Variants in ATXN7L1 observed in about 807,000 individuals in gnomAD.
ATXN7L1 encodes the protein ataxin 7 like 1.
A neutral mutation model predicts 70.8 loss-of-function variants in ATXN7L1; 15 were observed. The ratio of observed to expected loss-of-function variants is 0.21; its 90% confidence interval spans 0.14 to 0.33. ATXN7L1 has a LOEUF of 0.33. Among genes scored for constraint, ATXN7L1 ranks in the 10% least tolerant of loss-of-function variants. The pLI, the probability that ATXN7L1 is intolerant of heterozygous loss-of-function variation, is 1.00. For synonymous variants in ATXN7L1, 440 were observed against 445.1 expected, an observed-to-expected ratio of 0.99 and a Z score of 0.14; for missense variants, 975 against 1,097.1, an observed-to-expected ratio of 0.89 and a Z score of 1.57.
chr7:105,612,567 C>A lies in ATXN7L1; in HGVS notation c.2472+1295G>T, dbSNP rs570191966. Among the ~76,000 whole-genome samples, 5 of 152,268 alleles carry A rather than the reference C, an allele frequency of 3.3e-5. No homozygotes were observed. In the East Asian group the frequency reaches 9.7e-4, roughly 30 times the overall value. ...CCATCCTGGGACCTGGCGGTGGCAC[C>A]CACCAGCAGTTTAGCCTCCAGGGAG... is the stretch of plus-strand genomic sequence containing the variant. On this transcript the variant is annotated intron_variant, in intron 10 of 11. Transcript: ENST00000419735.
chr7:105,844,763 G>T (rs1813724764), intron 2 of ATXN7L1, among the ~76,000 whole-genome samples: 1 of 152,126 alleles, frequency 6.6e-6, no homozygotes, highest in Non-Finnish European at 1.5e-5. Flanking sequence ...AATGCATTCA[G>T]ATTGGAAAGG....
intron 2 of ATXN7L1, among the ~76,000 whole-genome samples, chr7:105,791,835 G>A (rs1805294694): frequency 1.3e-5 from 2 of 152,168 alleles, no homozygotes; most frequent in Non-Finnish European, 2.9e-5. Flanking sequence ...GTCAAGCTAT[G>A]AAGGAATATA....
intron 5 of ATXN7L1, among the ~76,000 whole-genome samples, chr7:105,639,828 G>A (rs948371138): frequency 4.6e-5 from 7 of 152,202 alleles, no homozygotes; most frequent in Non-Finnish European, 7.3e-5. Context: ...CGCAGCACAA[G>A]GCTCGGGGAA....
intron 2 of ATXN7L1, among the ~76,000 whole-genome samples, chr7:105,832,635 T>A (rs371860793): frequency 4.3e-4 from 66 of 152,300 alleles, no homozygotes; most frequent in African/African-American, 1.6e-3. Flanking sequence ...CCTCCAGTGC[T>A]CACCCAGCCA....
intron 2 of ATXN7L1, among the ~76,000 whole-genome samples, chr7:105,859,593 G>A (rs1816255739): frequency 6.6e-6 from 1 of 152,070 alleles, no homozygotes; most frequent in South Asian, 2.1e-4. Flanking sequence ...ATTCAGTACA[G>A]CAACATGCTG....
intron 2 of ATXN7L1, among the ~76,000 whole-genome samples, chr7:105,855,112 G>A (rs1371629059): frequency 6.6e-6 from 1 of 152,030 alleles, no homozygotes; most frequent in Non-Finnish European, 1.5e-5. Context: ...GCGCCACCAC[G>A]CCCAGCTAAT....
At chr7:105,637,017 C>T (rs962664926) in intron 7 of ATXN7L1, among the ~76,000 whole-genome samples, 3 of 152,196 alleles carry the variant, frequency 2.0e-5, no homozygotes, top group Admixed American at 2.0e-4. Context: ...CTAACCAACA[C>T]CCCACATGAC....
At chr7:105,649,400 T>C (rs1799537446) in intron 4 of ATXN7L1, 4 of 987,634 alleles carry the variant, frequency 4.1e-6, no homozygotes. Context: ...GTGGGGGCGA[T>C]ATCTACCTCT....
At chr7:105,759,866 C>T (rs911205905) in intron 3 of ATXN7L1, among the ~76,000 whole-genome samples, 9 of 152,048 alleles carry the variant, frequency 5.9e-5, no homozygotes, top group African/African-American at 1.9e-4. Context: ...ATTTCCGCCC[C>T]CCCCAAAGAT....
chr7:105,697,285 T>A (rs1791852251), intron 3 of ATXN7L1, among the ~76,000 whole-genome samples: 1 of 152,174 alleles, frequency 6.6e-6, no homozygotes, highest in Non-Finnish European at 1.5e-5. Context: ...ACCGCTGCAA[T>A]CTCGACCATA....
At chr7:105,803,399 G>C (rs1486738206) in intron 2 of ATXN7L1, among the ~76,000 whole-genome samples, 2 of 152,246 alleles carry the variant, frequency 1.3e-5, no homozygotes, top group African/African-American at 4.8e-5. Context: ...CCACCCTGAT[G>C]TCCAGGATCC....
intron 9 of ATXN7L1, among the ~76,000 whole-genome samples, chr7:105,618,918 A>G (rs1794329580): frequency 6.6e-6 from 1 of 152,158 alleles, no homozygotes; most frequent in African/African-American, 2.4e-5. Flanking sequence ...GTGGATAGTA[A>G]AGGAACTTAA....
intron 2 of ATXN7L1, among the ~76,000 whole-genome samples, chr7:105,844,413 A>G (rs891692917): frequency 1.3e-5 from 2 of 152,240 alleles, no homozygotes; most frequent in Admixed American, 6.5e-5. Context: ...CAGCAATGCA[A>G]GAGTGGTTCA....
chr7:105,769,110 G>A (rs370584856), intron 3 of ATXN7L1, among the ~76,000 whole-genome samples: 20 of 152,194 alleles, frequency 1.3e-4, no homozygotes, highest in African/African-American at 2.2e-4. Flanking sequence ...ACCAGTTTCC[G>A]CCAGTGTACC....
chr7:105,734,330 A>AG lies in ATXN7L1; in HGVS notation c.355+54273dup, dbSNP rs1797141419. Among the ~76,000 whole-genome samples the AG allele has an allele frequency of 2.0e-5, 3 of 152,226 alleles. No individual in the cohort carries two copies. The South Asian group carries it at 6.2e-4, about 32-fold the overall frequency. Reference sequence around the variant, plus strand: ...AACCAAAAACCCAAACAAACAAAACAGACAAAAAAACCCAACTACAGTCCT... The same window carrying AG: ...AACCAAAAACCCAAACAAACAAAACAGGACAAAAAAACCCAACTACAGTCCT... On this transcript the variant is annotated intron_variant, in intron 3 of 11. Coordinates refer to ENST00000419735, the MANE Select transcript of ATXN7L1 (RefSeq NM_020725.2).
Position 105,619,510 on chromosome 7 carries a change from A to G in ATXN7L1, c.1517+690T>C, listed in dbSNP as rs1248301629. On this transcript the variant is annotated intron_variant, in intron 9 of 11. Coordinates refer to ENST00000419735, the MANE Select transcript of ATXN7L1 (RefSeq NM_020725.2). ...CAAACAGAAGCATATATATATATAT[A>G]TATATATATATATATATATATTTTT... Among the ~76,000 whole-genome samples, 7 of 13,566 alleles carry G rather than the reference A, an allele frequency of 5.2e-4. 1 individual carries two copies. The highest frequency in any genetic ancestry group is 2.3e-3 in the Admixed American group (3 of 1,316). 8.9% of individuals were successfully genotyped at this position (13,566 alleles called of 152,430 possible).
intron 2 of ATXN7L1, among the ~76,000 whole-genome samples, chr7:105,865,696 C>A (rs1005232999): frequency 6.6e-6 from 1 of 152,256 alleles, no homozygotes; most frequent in African/African-American, 2.4e-5. Context: ...CCACTGCACC[C>A]GGGCCATTTT....
chr7:105,732,231 G>A (rs1218538768), intron 3 of ATXN7L1, among the ~76,000 whole-genome samples: 1 of 152,074 alleles, frequency 6.6e-6, no homozygotes, highest in Non-Finnish European at 1.5e-5. Flanking sequence ...CCAACATCGT[G>A]AAACCCTGTC....
At chr7:105,641,208 CTCTCTCTTTTTTTTTTTTT>C (rs1429922632) in intron 5 of ATXN7L1, among the ~76,000 whole-genome samples, 1 of 70,840 alleles carries the variant, frequency 1.4e-5, no homozygotes, top group Non-Finnish European at 3.1e-5. Flanking sequence ...CTCTCTCTCT[CTCTCTCTTTTTTTTTTTTT>C]TTTTTTTTTT....
Sources: allele counts gnomAD v4.1 joint callset (sites outside exome capture counted in the v4.1 genomes callset), GRCh38; gene constraint gnomAD v4.1.1; transcripts MANE v1.5; gene names NCBI Gene and HGNC (gene_info 2026-07-23, HGNC 2026-07-21).